The following SLC44A1 variants were observed in gnomAD, a reference collection of about 807,000 sequenced individuals.
The protein encoded by SLC44A1 is choline transporter-like protein 1.
In SLC44A1, 26 loss-of-function variants were observed where a neutral mutation model predicts 79.3. That is an observed-to-expected ratio of 0.33 (90% CI 0.24 to 0.46). The LOEUF is 0.46. SLC44A1 is among the 20% of genes least tolerant of loss of function. The probability of loss-of-function intolerance (pLI) is 1.00; values close to 1 mark genes in which losing one functional copy is unlikely to be tolerated. For missense variants in SLC44A1, 688 were observed against 798.1 expected, an observed-to-expected ratio of 0.86 and a Z score of 1.66; for synonymous variants, 263 against 286.2, an observed-to-expected ratio of 0.92 and a Z score of 0.82.
chr9:105,267,934 C>T (rs966898251), intron 1 of SLC44A1, among the ~76,000 whole-genome samples: 6 of 152,122 alleles, frequency 3.9e-5, no homozygotes, highest in African/African-American at 1.4e-4. Context: ...CTCTTGGACT[C>T]ATCAGATTTC....
rs545331023 is a variant in SLC44A1, at chr9:105,367,339, C to T, written c.1494+910C>T. ...TGGTATTGAGCATGCCTGGACTTTG[C>T]TTTATTGGGTTCTATGGTTAATATG... On this transcript the variant is annotated intron_variant, in intron 12 of 15. Transcript: ENST00000374720. Among the ~76,000 whole-genome samples, 212 of 152,086 alleles carry T rather than the reference C, an allele frequency of 1.4e-3. 1 individual carries two copies. The highest frequency in any genetic ancestry group is 1.6e-3 in the Non-Finnish European group (109 of 68,016).
intron 15 of SLC44A1, among the ~76,000 whole-genome samples, chr9:105,410,815 A>G (rs1829085107): frequency 6.6e-6 from 1 of 152,206 alleles, no homozygotes; most frequent in African/African-American, 2.4e-5. Flanking sequence ...TGATAAGCAA[A>G]ATGTTGTATA....
chr9:105,309,252 A>G (rs1831112905), intron 2 of SLC44A1, among the ~76,000 whole-genome samples: 1 of 152,214 alleles, frequency 6.6e-6, no homozygotes, highest in African/African-American at 2.4e-5. Context: ...CTTTACAACC[A>G]AATGAAACTA....
At chr9:105,264,315 C>T (rs1371346621) in intron 1 of SLC44A1, among the ~76,000 whole-genome samples, 1 of 152,138 alleles carries the variant, frequency 6.6e-6, no homozygotes, top group Non-Finnish European at 1.5e-5. Context: ...AGATTTGCAC[C>T]ACCACGCCTA....
intron 1 of SLC44A1, among the ~76,000 whole-genome samples, chr9:105,261,046 A>G (rs1439975824): frequency 6.6e-6 from 1 of 152,218 alleles, no homozygotes; most frequent in Non-Finnish European, 1.5e-5. Flanking sequence ...CAACTTGCCA[A>G]TGGAGAGAAA....
chr9:105,346,652 C>A (rs1352921278), intron 4 of SLC44A1, among the ~76,000 whole-genome samples: 1 of 151,914 alleles, frequency 6.6e-6, no homozygotes, highest in Admixed American at 6.6e-5. Flanking sequence ...ATGTTTTCTG[C>A]AAAATTGCTA....
chr9:105,332,875 A>G (rs769676472), intron 3 of SLC44A1, among the ~76,000 whole-genome samples: 6 of 152,204 alleles, frequency 3.9e-5, no homozygotes, highest in African/African-American at 1.4e-4. Flanking sequence ...AGTGCATACT[A>G]TGTTAGGTGC....
chr9:105,251,748 C>T (rs1829593656), intron 1 of SLC44A1, among the ~76,000 whole-genome samples: 1 of 152,172 alleles, frequency 6.6e-6, no homozygotes, highest in Non-Finnish European at 1.5e-5. Flanking sequence ...GCTTTGCTCC[C>T]TGGCTTTTGG....
intron 3 of SLC44A1, among the ~76,000 whole-genome samples, chr9:105,329,843 C>CA (rs1475720208): frequency 6.6e-6 from 1 of 152,130 alleles, no homozygotes; most frequent in African/African-American, 2.4e-5. Context: ...AATTCCTACT[C>CA]AATTTCAAAA....
intron 15 of SLC44A1, chr9:105,385,704 G>A: frequency 1.0e-6 from 1 of 985,434 alleles, no homozygotes; most frequent in Non-Finnish European, 1.2e-6. Context: ...TTCTATAAAA[G>A]TAAGCTGAAA....
rs1588865469 is a variant in SLC44A1, at chr9:105,394,122, C to A, written c.*5066C>A. On this transcript the variant is annotated 3_prime_UTR_variant, in exon 16 of 16. Transcript: ENST00000374720. ...TAGAATTTCAGGGCCCTCAGACGGC[C>A]AGCTTCCACCCCTGTACCCCCTCAG... The A allele has an allele frequency of 2.0e-6, 2 of 985,370 alleles. No individual in the cohort carries two copies. Among genetic ancestry groups the A allele is most frequent in the East Asian group, 2.3e-4 (2 of 8,808 alleles). The allele number at this position is 985,370 out of a possible 1,614,324, so 61.0% of individuals were successfully genotyped here. A position where few individuals can be genotyped will look rare whatever the true frequency, so the allele number is the denominator to read the frequency against.
At chr9:105,336,244 A>G (rs1826917569) in intron 4 of SLC44A1, among the ~76,000 whole-genome samples, 1 of 152,060 alleles carries the variant, frequency 6.6e-6, no homozygotes, top group African/African-American at 2.4e-5. Flanking sequence ...AGAAATTTAA[A>G]TTCTAGCATC....
intron 15 of SLC44A1, among the ~76,000 whole-genome samples, chr9:105,415,002 A>G (rs1283463554): frequency 6.6e-6 from 1 of 152,124 alleles, no homozygotes; most frequent in African/African-American, 2.4e-5. Flanking sequence ...ATACTCACCC[A>G]TCAAACATAA....
chr9:105,320,624 G>A (rs1478951860), intron 3 of SLC44A1, among the ~76,000 whole-genome samples: 1 of 152,002 alleles, frequency 6.6e-6, no homozygotes, highest in African/African-American at 2.4e-5. Flanking sequence ...TGCACAGTTT[G>A]GAGTGCCATG....
Position 105,389,320 on chromosome 9 carries a change from A to G in SLC44A1, c.*264A>G, listed in dbSNP as rs1828705967. On this transcript the variant is annotated 3_prime_UTR_variant, in exon 16 of 16. Transcript: ENST00000374720. Reference sequence around the variant, plus strand: ...GCAACTTCCGTCATTTAATGTTTTCAACTGTAATTGTCTTAATGGAAATGT... The same window carrying G: ...GCAACTTCCGTCATTTAATGTTTTCGACTGTAATTGTCTTAATGGAAATGT... The G allele has an allele frequency of 4.3e-6, 5 of 1,174,256 alleles. No individual in the cohort carries two copies. The highest frequency in any genetic ancestry group is 5.3e-6 in the Non-Finnish European group (5 of 950,680). The allele number at this position is 1,174,256 out of a possible 1,614,324, so 72.7% of individuals were successfully genotyped here. A position where few individuals can be genotyped will look rare whatever the true frequency, so the allele number is the denominator to read the frequency against.
intron 15 of SLC44A1, among the ~76,000 whole-genome samples, chr9:105,410,760 C>T (rs771096019): frequency 4.6e-5 from 7 of 152,020 alleles, no homozygotes; most frequent in Non-Finnish European, 2.9e-5. Flanking sequence ...GCATTATTCA[C>T]GATAACCAAA....
At chr9:105,357,489 GTAATA>G (rs949651558) in intron 6 of SLC44A1, among the ~76,000 whole-genome samples, 58 of 152,150 alleles carry the variant, frequency 3.8e-4, no homozygotes, top group African/African-American at 1.4e-3. Context: ...GCTTAAGAGT[GTAATA>G]TAATCTTAAA....
chr9:105,374,633 C>A lies in SLC44A1; in HGVS notation c.1530C>A (p.Asn510Lys). The change falls in exon 13 of 16, where the codon AAC becomes AAA. Residue 510 changes from asparagine (N) to lysine (K), a missense_variant. By Grantham distance (94) the Asn-to-Lys change is moderately conservative. Transcript: ENST00000374720. ...CAGCCACAGCTATCAACAGCACCAA[C>A]TTCTGCACCTCAGCAAAGGATGCCT... ...AYTATAINST[N>K]FCTSAKDAFV... 1 of 1,614,156 alleles carries A rather than the reference C, an allele frequency of 6.2e-7. No homozygotes were observed. The highest frequency in any genetic ancestry group is 1.1e-5 in the South Asian group (1 of 91,074).
At position 105,366,276 on chromosome 9, in the gene SLC44A1, C is replaced by T. The variant is rs555956482; in HGVS notation, c.1411-70C>T. 19 of 733,410 alleles carry T rather than the reference C, an allele frequency of 2.6e-5. No individual in the cohort carries two copies. In the African/African-American group the frequency reaches 3.1e-4, roughly 12 times the overall value. 45.4% of individuals were successfully genotyped at this position (733,410 alleles called of 1,614,324 possible). ...TTTAAATTTTTATTTATTTTTCTAA[C>T]GTTTGAAGTCTTCTATGTGACAGTT... On this transcript the variant is annotated intron_variant, in intron 11 of 15. Coordinates refer to ENST00000374720, the MANE Select transcript of SLC44A1 (RefSeq NM_080546.5).
Sources: allele counts gnomAD v4.1 joint callset (sites outside exome capture counted in the v4.1 genomes callset), GRCh38; gene constraint gnomAD v4.1.1; transcripts MANE v1.5; gene names NCBI Gene and HGNC (gene_info 2026-07-23, HGNC 2026-07-21).